The following CHLSN variants were observed in gnomAD, a reference collection of about 807,000 sequenced individuals.
CHLSN encodes the protein protein cholesin.
chr7:1,054,918 C>T, the CHLSN span, among the ~76,000 whole-genome samples: 1 of 152,364 alleles, frequency 6.6e-6, no homozygotes, highest in African/African-American at 2.4e-5. Flanking sequence ...GCCAGGCCTT[C>T]GCTCGACAGT....
At chr7:1,060,281 T>TC in the CHLSN span, among the ~76,000 whole-genome samples, 1 of 152,024 alleles carries the variant, frequency 6.6e-6, no homozygotes. Context: ...AGGAAGATGT[T>TC]CCCCCCAAGT....
chr7:1,026,632 G>A, the CHLSN span: 1 of 152,210 alleles, frequency 6.6e-6, no homozygotes, highest in Non-Finnish European at 1.5e-5. Flanking sequence ...ATTCTTCAAT[G>A]CTGATCCTGC....
At chr7:1,041,292 G>A in the CHLSN span, among the ~76,000 whole-genome samples, 4 of 115,046 alleles carry the variant, frequency 3.5e-5, no homozygotes, top group East Asian at 9.1e-4. Context: ...TCCGCGCTGC[G>A]GGGAAGGGGA....
At chr7:1,009,950 C>A in the CHLSN span, 1 of 1,550,462 alleles carries the variant, frequency 6.4e-7, no homozygotes. Flanking sequence ...GGCCGCTCAC[C>A]TGCAGAGGTA....
the CHLSN span, among the ~76,000 whole-genome samples, chr7:1,135,205 G>A: frequency 6.6e-6 from 1 of 152,056 alleles, no homozygotes; most frequent in East Asian, 1.9e-4. Context: ...ACTCCCTCGT[G>A]ATCCCATTCA....
the CHLSN span, chr7:1,093,264 A>G: frequency 2.2e-6 from 1 of 450,842 alleles, no homozygotes. Context: ...AGGAACCCTA[A>G]AGCAAATCTG....
the CHLSN span, among the ~76,000 whole-genome samples, chr7:1,035,595 C>T: frequency 3.2e-4 from 48 of 152,302 alleles, no homozygotes; most frequent in Admixed American, 9.8e-4. Flanking sequence ...AGTGAGGCAC[C>T]GCACACCTGT....
the CHLSN span, among the ~76,000 whole-genome samples, chr7:991,113 G>C: frequency 9.9e-5 from 15 of 152,004 alleles, no homozygotes; most frequent in African/African-American, 3.6e-4. Flanking sequence ...AGGGGAGCCC[G>C]AGGCCCACGT....
At chr7:1,062,634 C>T in the CHLSN span, among the ~76,000 whole-genome samples, 2 of 152,216 alleles carry the variant, frequency 1.3e-5, no homozygotes, top group African/African-American at 4.8e-5. Flanking sequence ...CCATTGACTA[C>T]ACCCCTGAGG....
At chr7:1,029,348 G>C in the CHLSN span, among the ~76,000 whole-genome samples, 35 of 152,208 alleles carry the variant, frequency 2.3e-4, no homozygotes, top group South Asian at 7.3e-3. Flanking sequence ...GGCTGTTCAC[G>C]AACTCCTGGG....
chr7:1,045,973 T>C, the CHLSN span, among the ~76,000 whole-genome samples: 1 of 152,212 alleles, frequency 6.6e-6, no homozygotes, highest in Admixed American at 6.5e-5. Flanking sequence ...GAAAGTTGAC[T>C]TGGAGTCCCT....
chr7:1,051,479 T>C, the CHLSN span, among the ~76,000 whole-genome samples: 3,866 of 152,264 alleles, frequency 0.025, 61 homozygotes, highest in Non-Finnish European at 0.03. Context: ...GCTCTGACAC[T>C]CTCCCGATTC....
chr7:993,302 G>A, the CHLSN span, among the ~76,000 whole-genome samples: 1 of 152,212 alleles, frequency 6.6e-6, no homozygotes, highest in African/African-American at 2.4e-5. Flanking sequence ...GGGCCTGACT[G>A]TGACTGGAGC....
At chr7:1,108,558 G>A in the CHLSN span, among the ~76,000 whole-genome samples, 1 of 152,212 alleles carries the variant, frequency 6.6e-6, no homozygotes, top group East Asian at 1.9e-4. Flanking sequence ...ATCTGCCTGG[G>A]GTTCTGATTC....
At chr7:1,039,385 C>T in the CHLSN span, among the ~76,000 whole-genome samples, 16 of 56,282 alleles carry the variant, frequency 2.8e-4, no homozygotes, top group East Asian at 1.1e-3. Context: ...GCCCCCCGCC[C>T]GGCCAGCCGC....
chr7:988,638 G>T, the CHLSN span: 1 of 1,602,206 alleles, frequency 6.2e-7, no homozygotes. Flanking sequence ...CCCGCAGGCC[G>T]CCGCGTCTGT....
the CHLSN span, among the ~76,000 whole-genome samples, chr7:1,047,470 G>T: frequency 6.6e-6 from 1 of 152,238 alleles, no homozygotes; most frequent in Admixed American, 6.5e-5. Flanking sequence ...ATCAGTGTGC[G>T]TAAGCTCTCC....
the CHLSN span, among the ~76,000 whole-genome samples, chr7:1,041,411 C>T: frequency 3.5e-4 from 39 of 112,002 alleles, no homozygotes; most frequent in African/African-American, 1.2e-3. Context: ...CTGCGGGGAA[C>T]GGGACCTGGG....
chr7:1,010,119 GC>G, the CHLSN span: 6 of 1,612,264 alleles, frequency 3.7e-6, no homozygotes, highest in Admixed American at 8.3e-5. Flanking sequence ...TCTGCGTCCA[GC>G]CCGGGCCTGA....
Sources: gnomAD v4.1 joint callset for allele counts (sites outside exome capture counted in the v4.1 genomes callset) on GRCh38, gnomAD v4.1.1 for gene constraint, MANE v1.5 for transcripts, NCBI Gene and HGNC (gene_info 2026-07-23, HGNC 2026-07-21) for gene names.